Variants in SLC28A3 observed in about 807,000 individuals in gnomAD.
SLC28A3 encodes the protein solute carrier family 28 member 3, also known as concentrative Na(+)-nucleoside cotransporter 3.
Under a neutral mutation model 84.2 loss-of-function variants are expected in SLC28A3, and 68 were observed. That is an observed-to-expected ratio of 0.81 (90% confidence interval 0.66 to 0.99). The LOEUF (loss-of-function observed/expected upper bound fraction) is 0.99, where lower values mean the gene tolerates loss of function less well. Ranked by LOEUF, SLC28A3 falls within the 50% of genes least tolerant of loss-of-function variation. SLC28A3 has a pLI of 0.00. For missense variants in SLC28A3, 712 were observed against 841.5 expected, an observed-to-expected ratio of 0.85 and a Z score of 1.90; for synonymous variants, 267 against 303.6, an observed-to-expected ratio of 0.88 and a Z score of 1.25.
chr9:84,350,111 C>T, the SLC28A3 span, among the ~76,000 whole-genome samples: 2 of 152,138 alleles, frequency 1.3e-5, no homozygotes, highest in African/African-American at 2.4e-5. Flanking sequence ...AGTATTTGTG[C>T]ATTTAAATAT....
In SLC28A3 at chr9:84,302,194, A is replaced by G; in HGVS notation, c.524+6T>C. ...TAACTGAAATAAGAGAACCAATTGC[A>G]TTTACCACTTCAGCCAGAACCAATG... On this transcript the variant is annotated splice_donor_region_variant and intron_variant, in intron 5 of 17. Transcript: ENST00000376238. 1.2e-6 allele frequency: 2 copies of G among 1,613,230 alleles called. No homozygotes were observed. Among genetic ancestry groups the G allele is most frequent in the Non-Finnish European group, 1.7e-6 (2 of 1,179,560 alleles).
At chr9:84,358,823 G>T in the SLC28A3 span, among the ~76,000 whole-genome samples, 1 of 152,142 alleles carries the variant, frequency 6.6e-6, no homozygotes, top group Non-Finnish European at 1.5e-5. Flanking sequence ...TTATTTTTGA[G>T]ACAGGGTCTT....
intron 1 of SLC28A3, among the ~76,000 whole-genome samples, chr9:84,328,348 A>C (rs2118562006): frequency 6.6e-6 from 1 of 150,774 alleles, no homozygotes; most frequent in South Asian, 2.1e-4. Flanking sequence ...AAAAAAAAAC[A>C]TGATCTGGCC....
the SLC28A3 span, among the ~76,000 whole-genome samples, chr9:84,355,415 G>A: frequency 6.6e-6 from 1 of 152,136 alleles, no homozygotes; most frequent in Non-Finnish European, 1.5e-5. Context: ...TACAGCCTGG[G>A]TGATGGGGTG....
At position 84,298,093 on chromosome 9, in the gene SLC28A3, C is replaced by T. The variant is rs1287930070; in HGVS notation, c.670-74G>A. The T allele has an allele frequency of 7.3e-6, 9 of 1,235,270 alleles. No individual in the cohort carries two copies. The African/African-American group carries it at 1.4e-4, about 19-fold the overall frequency. The allele number at this position is 1,235,270 out of a possible 1,614,324, so 76.5% of individuals were successfully genotyped here. Reference sequence around the variant, plus strand: ...GCCGTGGCATGAATGTCTAATGGATCACTATTTCCTTGAACACACTATCAG... The same window carrying T: ...GCCGTGGCATGAATGTCTAATGGATTACTATTTCCTTGAACACACTATCAG... On this transcript the variant is annotated intron_variant, in intron 6 of 17. Transcript: ENST00000376238.
At chr9:84,349,695 A>G in the SLC28A3 span, among the ~76,000 whole-genome samples, 1 of 152,224 alleles carries the variant, frequency 6.6e-6, no homozygotes, top group Non-Finnish European at 1.5e-5. Flanking sequence ...GTCAGTGTTC[A>G]GTAGGGTAAG....
intron 16 of SLC28A3, among the ~76,000 whole-genome samples, chr9:84,279,630 C>T (rs1046179333): frequency 1.3e-4 from 20 of 152,144 alleles, no homozygotes; most frequent in African/African-American, 4.6e-4. Context: ...GATGCGGTTT[C>T]GCCACGTTGG....
At chr9:84,301,245 G>A (rs918341676) in intron 5 of SLC28A3, among the ~76,000 whole-genome samples, 1 of 150,626 alleles carries the variant, frequency 6.6e-6, no homozygotes, top group Non-Finnish European at 1.5e-5. Flanking sequence ...AGCTATTTGG[G>A]AGGCTGAGGC....
chr9:84,316,915 C>T (rs1380209381), intron 1 of SLC28A3, among the ~76,000 whole-genome samples: 3 of 151,988 alleles, frequency 2.0e-5, no homozygotes, highest in Admixed American at 6.6e-5. Flanking sequence ...GCAGAAGAAT[C>T]GCTTGAACCA....
At chr9:84,368,530 T>C in the SLC28A3 span, among the ~76,000 whole-genome samples, 1 of 152,084 alleles carries the variant, frequency 6.6e-6, no homozygotes, top group Admixed American at 6.6e-5. Flanking sequence ...ACTGGGTCCT[T>C]TCCTTCAAGG....
chr9:84,298,194 TAAA>T (rs1247173059), intron 6 of SLC28A3, among the ~76,000 whole-genome samples, 175 bp from the exon 7 acceptor site: 1 of 152,068 alleles, frequency 6.6e-6, no homozygotes, highest in Non-Finnish European at 1.5e-5. Flanking sequence ...AACCATAACT[TAAA>T]AAACTCAGGC....
At chr9:84,283,027 A>G (rs1215513352) in intron 14 of SLC28A3, among the ~76,000 whole-genome samples, 1 of 127,432 alleles carries the variant, frequency 7.8e-6, no homozygotes, top group Non-Finnish European at 1.5e-5. Context: ...AGTGCTTTTC[A>G]TTTAGTTCAG....
chr9:84,328,239 C>T (rs1826642741), intron 1 of SLC28A3, among the ~76,000 whole-genome samples: 1 of 148,630 alleles, frequency 6.7e-6, no homozygotes, highest in South Asian at 2.2e-4. Context: ...TCAGTAACTA[C>T]ATTAACTATA....
Position 84,288,153 on chromosome 9 carries a change from G to T in SLC28A3, c.1175C>A (p.Ala392Glu), listed in dbSNP as rs766691505. The T allele has an allele frequency of 6.2e-7, 1 of 1,614,058 alleles. No homozygotes were observed. The highest frequency in any genetic ancestry group is 1.1e-5 in the South Asian group (1 of 91,078). The change falls in exon 12 of 18, where the codon GCG (alanine) becomes GAG (glutamate). Residue 392 changes from alanine (A) to glutamate (E), a missense_variant. Ala to Glu is a moderately radical substitution (Grantham distance 107). Transcript: ENST00000376238. Reference sequence around the variant, plus strand: ...TGACGCAGGTGCTGACATAACTGACGCTGTTAACAAGTGGGAGGATGGAAC... The same window carrying T: ...TGACGCAGGTGCTGACATAACTGACTCTGTTAACAAGTGGGAGGATGGAAC... ...FGVPSSHLLT[A>E]SVMSAPASLA...
chr9:84,280,931 A>G, intron 14 of SLC28A3, 49 bp from the exon 15 acceptor site: 1 of 1,547,478 alleles, frequency 6.5e-7, no homozygotes, highest in Non-Finnish European at 8.9e-7. Context: ...AGCTGGCTTA[A>G]CAAATCTGAC....
intron 4 of SLC28A3, among the ~76,000 whole-genome samples, chr9:84,304,963 A>G (rs1389985154): frequency 6.6e-6 from 1 of 152,182 alleles, no homozygotes; most frequent in Non-Finnish European, 1.5e-5. Flanking sequence ...CAGAGGTTGC[A>G]GTGAGCTGAG....
chr9:84,301,627 A>G (rs924832521), intron 5 of SLC28A3, among the ~76,000 whole-genome samples: 8 of 152,318 alleles, frequency 5.3e-5, no homozygotes, highest in Admixed American at 5.2e-4. Context: ...TAAGAAAAAA[A>G]GTTGGTAAAA....
intron 1 of SLC28A3, among the ~76,000 whole-genome samples, chr9:84,335,066 A>G (rs1826923114): frequency 6.6e-6 from 1 of 152,074 alleles, no homozygotes; most frequent in Non-Finnish European, 1.5e-5. Flanking sequence ...CCGCGCTCAT[A>G]TCTATGCTAA....
At chr9:84,368,524 G>C in the SLC28A3 span, among the ~76,000 whole-genome samples, 2 of 152,168 alleles carry the variant, frequency 1.3e-5, no homozygotes, top group Non-Finnish European at 2.9e-5. Context: ...GGCCGGACTG[G>C]GTCCTTTCCT....
Sources: gnomAD v4.1 joint callset for allele counts (sites outside exome capture counted in the v4.1 genomes callset) on GRCh38, gnomAD v4.1.1 for gene constraint, MANE v1.5 for transcripts, NCBI Gene and HGNC (gene_info 2026-07-23, HGNC 2026-07-21) for gene names.